Variants in KIAA1958 observed in about 807,000 individuals in gnomAD.
The protein encoded by KIAA1958 is uncharacterized protein KIAA1958.
Under a neutral mutation model 47.2 loss-of-function variants are expected in KIAA1958, and 14 were observed. The ratio of observed to expected loss-of-function variants is 0.30; its 90% CI spans 0.20 to 0.46. The LOEUF (loss-of-function observed/expected upper bound fraction) is 0.46. Among genes scored for constraint, KIAA1958 ranks in the 20% least tolerant of loss-of-function variants. The probability of loss-of-function intolerance (pLI) is 1.00; values close to 1 mark genes in which losing one functional copy is unlikely to be tolerated. For missense variants in KIAA1958, 803 were observed against 909.2 expected, an observed-to-expected ratio of 0.88 and a Z score of 1.50; for synonymous variants, 354 against 353.3, an observed-to-expected ratio of 1.00 and a Z score of -0.02.
intron 1 of KIAA1958, among the ~76,000 whole-genome samples, chr9:112,488,092 G>A (rs1210414218): frequency 2.0e-5 from 3 of 152,100 alleles, no homozygotes; most frequent in African/African-American, 7.2e-5. Flanking sequence ...CAGCTTCCAT[G>A]GTGGAGGTTA....
intron 2 of KIAA1958, among the ~76,000 whole-genome samples, chr9:112,632,135 T>TA (rs1836720817): frequency 6.6e-6 from 1 of 152,166 alleles, no homozygotes; most frequent in African/African-American, 2.4e-5. Context: ...CCCATGGAGC[T>TA]AATCACTAAC....
At chr9:112,625,938 T>C (rs1189053428) in intron 2 of KIAA1958, among the ~76,000 whole-genome samples, 1 of 152,218 alleles carries the variant, frequency 6.6e-6, no homozygotes, top group African/African-American at 2.4e-5. Context: ...TGAACAAAAA[T>C]ACATTTTTGT....
At chr9:112,608,720 G>A (rs1389126368) in intron 2 of KIAA1958, among the ~76,000 whole-genome samples, 2 of 152,160 alleles carry the variant, frequency 1.3e-5, no homozygotes, top group Non-Finnish European at 2.9e-5. Context: ...GAGCCCTGGA[G>A]GTGGAGGTTG....
chr9:112,513,202 A>G (rs1834351055), intron 1 of KIAA1958, among the ~76,000 whole-genome samples: 2 of 137,118 alleles, frequency 1.5e-5, no homozygotes, highest in East Asian at 2.1e-4. Flanking sequence ...ACGGGGTTTC[A>G]CCATGTTGGC....
rs1407966290 is a variant in KIAA1958, at chr9:112,660,660, T to C, written c.*591T>C. On this transcript the variant is annotated 3_prime_UTR_variant, in exon 4 of 4. Coordinates refer to ENST00000337530, the MANE Select transcript of KIAA1958 (RefSeq NM_133465.4). ...CGACACTTGGTCATCTGACAAGGAC[T>C]TGGGCTGCTCCCACGGCTCCCAGCA... 1 of 153,838 alleles carries C rather than the reference T, an allele frequency of 6.5e-6. No individual in the cohort carries two copies. Among genetic ancestry groups the C allele is most frequent in the African/African-American group, 2.4e-5 (1 of 41,460 alleles). 9.5% of individuals were successfully genotyped at this position (153,838 alleles called of 1,614,324 possible). A position where few individuals can be genotyped will look rare whatever the true frequency, so the allele number is the denominator to read the frequency against.
At position 112,618,541 on chromosome 9, in the gene KIAA1958, C is replaced by G; in HGVS notation, c.1172-27109C>G. ...ATGCCACCCAGCACGCCCCACAGAC[C>G]TGCCCTGTCCAGGACTATAAGGAGT... On this transcript the variant is annotated intron_variant, in intron 2 of 3. Coordinates refer to ENST00000337530, the MANE Select transcript of KIAA1958 (RefSeq NM_133465.4). The surrounding 1 kb of genome is among the most constrained non-coding windows in gnomAD (Gnocchi z 7.1). 1 of 1,550,724 alleles carries G rather than the reference C, an allele frequency of 6.4e-7. No individual in the cohort carries two copies. Among genetic ancestry groups the G allele is most frequent in the Non-Finnish European group, 8.7e-7 (1 of 1,147,022 alleles).
rs945818957 is a variant in KIAA1958 at position 112,650,603 on chromosome 9, TA to T, written c.1344+4792del. On this transcript the variant is annotated intron_variant, in intron 3 of 3. Coordinates refer to ENST00000337530, the MANE Select transcript of KIAA1958 (RefSeq NM_133465.4). ...CCTAATGTGGAAATAAGTGGAACTGTAAAAAAAAAAATTAAATGGAAAAGAA... is the reference window on the plus strand; with the variant it reads ...CCTAATGTGGAAATAAGTGGAACTGTAAAAAAAAAATTAAATGGAAAAGAA... Among the ~76,000 whole-genome samples, 108 of 143,688 alleles carry T rather than the reference TA, an allele frequency of 7.5e-4. 1 individual carries two copies. Among genetic ancestry groups the T allele is most frequent in the South Asian group, 2.0e-3 (9 of 4,582 alleles). 94.3% of individuals were successfully genotyped at this position (143,688 alleles called of 152,430 possible).
In KIAA1958 at chr9:112,618,775, C is replaced by T. The variant is rs1297866651; in HGVS notation, c.1172-26875C>T. ...TCAGTGTGTATCAGAGCTGCAGCACCTTGTCTGAGGCCCAGAGCAACCAGC... is the reference window on the plus strand; with the variant it reads ...TCAGTGTGTATCAGAGCTGCAGCACTTTGTCTGAGGCCCAGAGCAACCAGC... On this transcript the variant is annotated intron_variant, in intron 2 of 3. Transcript: ENST00000337530. The surrounding 1 kb of genome is among the most constrained non-coding windows in gnomAD (Gnocchi z 7.1). 1.3e-6 allele frequency: 2 copies of T among 1,550,646 alleles called. No individual in the cohort carries two copies. The highest frequency in any genetic ancestry group is 1.2e-5 in the South Asian group (1 of 84,048).
At chr9:112,627,612 G>T (rs1836640039) in intron 2 of KIAA1958, among the ~76,000 whole-genome samples, 1 of 152,098 alleles carries the variant, frequency 6.6e-6, no homozygotes, top group Non-Finnish European at 1.5e-5. Context: ...AAATTAGCTG[G>T]GTGTGGTGGC....
At chr9:112,637,535 G>A (rs531638879) in intron 2 of KIAA1958, among the ~76,000 whole-genome samples, 71 of 151,866 alleles carry the variant, frequency 4.7e-4, no homozygotes, top group Non-Finnish European at 8.4e-4. Flanking sequence ...CCGTGACCAC[G>A]CCCGGCAGAT....
chr9:112,541,095 G>A (rs1289190204), intron 1 of KIAA1958, among the ~76,000 whole-genome samples: 3 of 152,178 alleles, frequency 2.0e-5, no homozygotes, highest in South Asian at 2.1e-4. Context: ...TAGGTAAACA[G>A]TGGTATCATC....
rs1158413012 is a variant in KIAA1958 at position 112,660,310 on chromosome 9, A to C, written c.*241A>C. On this transcript the variant is annotated 3_prime_UTR_variant, in exon 4 of 4. Coordinates refer to ENST00000337530, the MANE Select transcript of KIAA1958 (RefSeq NM_133465.4). ...TCAACTTCGTTAGCTTTTAGAATCT[A>C]ACACAATGTATAATTGTTACATACA... The C allele has an allele frequency of 1.3e-5, 7 of 549,384 alleles. No homozygotes were observed. The highest frequency in any genetic ancestry group is 2.3e-5 in the Non-Finnish European group (7 of 306,444). The allele number at this position is 549,384 out of a possible 1,614,324, so 34.0% of individuals were successfully genotyped here.
chr9:112,524,305 C>G (rs1467822352), intron 1 of KIAA1958, among the ~76,000 whole-genome samples: 1 of 152,228 alleles, frequency 6.6e-6, no homozygotes, highest in East Asian at 1.9e-4. Context: ...TAGGAATTGA[C>G]TCTCTTTTGT....
rs530086077 is a variant in KIAA1958, at chr9:112,664,136, A to G, written c.*4067A>G. On this transcript the variant is annotated 3_prime_UTR_variant, in exon 4 of 4. Coordinates refer to ENST00000337530, the MANE Select transcript of KIAA1958 (RefSeq NM_133465.4). ...TAGGAAGTGGCAGAGCTAGGACACA[A>G]AATTCCTAATTCCTGAAGATAGTTA... 6.6e-6 allele frequency: 1 copy of G among 152,372 alleles called. No individual in the cohort carries two copies. The highest frequency in any genetic ancestry group is 1.5e-5 in the Non-Finnish European group (1 of 68,034). 9.4% of individuals were successfully genotyped at this position (152,372 alleles called of 1,614,324 possible).
chr9:112,591,892 A>G (rs1175612714), intron 2 of KIAA1958, among the ~76,000 whole-genome samples: 1 of 152,208 alleles, frequency 6.6e-6, no homozygotes, highest in Non-Finnish European at 1.5e-5. Flanking sequence ...AGTGACTTCT[A>G]TAGAAGGGTG....
At chr9:112,657,918 G>A (rs11793081) in intron 3 of KIAA1958, among the ~76,000 whole-genome samples, 12,912 of 151,092 alleles carry the variant, frequency 0.085, 693 homozygotes, top group Non-Finnish European at 0.12. Context: ...GTGCAGTGGC[G>A]CAATCTCGGC....
intron 2 of KIAA1958, among the ~76,000 whole-genome samples, chr9:112,612,505 GGACA>G (rs1225373606): frequency 2.0e-5 from 3 of 151,898 alleles, no homozygotes; most frequent in Non-Finnish European, 4.4e-5. Flanking sequence ...AAAAGAAAAT[GGACA>G]GATGACAAAA....
At chr9:112,495,485 C>T (rs1328649556) in intron 1 of KIAA1958, among the ~76,000 whole-genome samples, 1 of 152,122 alleles carries the variant, frequency 6.6e-6, no homozygotes, top group African/African-American at 2.4e-5. Context: ...TGTACACTCA[C>T]TAGAATGGCT....
intron 1 of KIAA1958, among the ~76,000 whole-genome samples, chr9:112,525,147 T>A (rs138901998): frequency 6.6e-6 from 1 of 152,234 alleles, no homozygotes; most frequent in South Asian, 2.1e-4. Flanking sequence ...CAGAATTCCC[T>A]CCACAGGAGA....
Sources: gnomAD v4.1 joint callset for allele counts (sites outside exome capture counted in the v4.1 genomes callset) on GRCh38, gnomAD v4.1.1 for gene constraint, Gnocchi (gnomAD v3.1) non-coding constraint, MANE v1.5 for transcripts, NCBI Gene and HGNC (gene_info 2026-07-23, HGNC 2026-07-21) for gene names.